The following EGLN1 variants were observed in gnomAD, a reference collection of about 807,000 sequenced individuals.
The protein encoded by EGLN1 is egl nine homolog 1.
EGLN1 carries 17 observed loss-of-function variants against 38.3 expected under a neutral mutation model. That is an observed-to-expected ratio of 0.44 (90% CI 0.30 to 0.67). EGLN1 has a LOEUF of 0.67. Among genes scored for constraint, EGLN1 ranks in the 30% least tolerant of loss-of-function variants. The pLI is 0.08. For synonymous variants in EGLN1, 283 were observed against 257.5 expected (o/e 1.10, Z -0.95); for missense variants, 477 against 603.3 (o/e 0.79, Z 2.19).
intron 1 of EGLN1, among the ~76,000 whole-genome samples, chr1:231,382,981 C>G (rs1688109636): frequency 2.1e-5 from 3 of 144,930 alleles, no homozygotes; most frequent in African/African-American, 7.8e-5. Context: ...TCGCTTGAAC[C>G]TGGGAGGTGG....
At chr1:231,412,697 C>CTACCCA (rs1241367098) in intron 1 of EGLN1, among the ~76,000 whole-genome samples, 1 of 152,148 alleles carries the variant, frequency 6.6e-6, no homozygotes, top group East Asian at 1.9e-4. Flanking sequence ...GTAGTAGTAG[C>CTACCCA]TAGCACAGCC....
chr1:231,419,343 A>G (rs1289111979), intron 1 of EGLN1, among the ~76,000 whole-genome samples: 1 of 152,206 alleles, frequency 6.6e-6, no homozygotes. Context: ...AGGAAGACAA[A>G]AGAGAAAAGA....
At chr1:231,415,146 G>T (rs1257974224) in intron 1 of EGLN1, among the ~76,000 whole-genome samples, 1 of 152,000 alleles carries the variant, frequency 6.6e-6, no homozygotes, top group Non-Finnish European at 1.5e-5. Context: ...GGTGACACAT[G>T]CCTGTAGTCC....
chr1:231,385,476 G>A (rs979038184), intron 1 of EGLN1, among the ~76,000 whole-genome samples: 1 of 152,142 alleles, frequency 6.6e-6, no homozygotes, highest in Non-Finnish European at 1.5e-5. Flanking sequence ...AAGGAGAGGG[G>A]GCATATTCCA....
intron 1 of EGLN1, among the ~76,000 whole-genome samples, chr1:231,385,530 A>T (rs918115822): frequency 6.6e-6 from 1 of 152,222 alleles, no homozygotes; most frequent in Non-Finnish European, 1.5e-5. Flanking sequence ...CATGCTGTGT[A>T]AACTGCAAAC....
intron 1 of EGLN1, among the ~76,000 whole-genome samples, chr1:231,389,175 C>A (rs1221862373): frequency 6.6e-6 from 1 of 152,152 alleles, no homozygotes; most frequent in Non-Finnish European, 1.5e-5. Context: ...TGGCAAAAAT[C>A]AACCATACTA....
At chr1:231,403,857 G>C (rs1688723029) in intron 1 of EGLN1, among the ~76,000 whole-genome samples, 1 of 148,006 alleles carries the variant, frequency 6.8e-6, no homozygotes, top group Admixed American at 6.7e-5. Context: ...AAGTATTTAA[G>C]CTATATTGTT....
chr1:231,387,438 C>A (rs1037987915), intron 1 of EGLN1, among the ~76,000 whole-genome samples: 1 of 150,354 alleles, frequency 6.7e-6, no homozygotes, highest in African/African-American at 2.5e-5. Flanking sequence ...CGGCTCACTG[C>A]AAGCTCCACC....
intron 3 of EGLN1, among the ~76,000 whole-genome samples, chr1:231,370,270 G>A (rs1687782296): frequency 1.3e-5 from 2 of 152,184 alleles, no homozygotes; most frequent in African/African-American, 4.8e-5. Context: ...GTAGTTAAGA[G>A]ATGCACAAAG....
intron 1 of EGLN1, among the ~76,000 whole-genome samples, chr1:231,378,678 C>T (rs1175157718): frequency 6.6e-6 from 1 of 152,174 alleles, no homozygotes; most frequent in Non-Finnish European, 1.5e-5. Flanking sequence ...GTCCGCAATG[C>T]CTCTGAGGAA....
chr1:231,389,712 G>A (rs1411152181), intron 1 of EGLN1, among the ~76,000 whole-genome samples: 1 of 152,160 alleles, frequency 6.6e-6, no homozygotes, highest in South Asian at 2.1e-4. Flanking sequence ...ACTTTGGGGG[G>A]CCGAGGCAGG....
At chr1:231,370,799 A>G (rs1687802000) in intron 2 of EGLN1, 101 bp from the exon 3 acceptor site, 2 of 1,336,820 alleles carry the variant, frequency 1.5e-6, no homozygotes, top group Non-Finnish European at 2.1e-6. Context: ...TAATTGGATT[A>G]TTCACAAATA....
chr1:231,366,403 C>A lies in EGLN1; in HGVS notation c.*8G>T, dbSNP rs1687646633. 4 of 1,613,532 alleles carry A rather than the reference C, an allele frequency of 2.5e-6. No individual in the cohort carries two copies. In the Admixed American group the frequency reaches 6.7e-5, roughly 27 times the overall value. On this transcript the variant is annotated 3_prime_UTR_variant, in exon 5 of 5. Coordinates refer to ENST00000366641, the MANE Select transcript of EGLN1 (RefSeq NM_022051.3). ...TAGGTGAAGTGGGGTATTGCTGGAT[C>A]AAAGGCTCTAGAAGACGTCTTTACC...
At chr1:231,384,249 C>A (rs754770846) in intron 1 of EGLN1, among the ~76,000 whole-genome samples, 1 of 152,098 alleles carries the variant, frequency 6.6e-6, no homozygotes, top group African/African-American at 2.4e-5. Flanking sequence ...TACTATACGT[C>A]AGGCACTGTT....
intron 1 of EGLN1, among the ~76,000 whole-genome samples, chr1:231,404,443 A>C (rs1311505968): frequency 6.6e-6 from 1 of 152,140 alleles, no homozygotes; most frequent in Admixed American, 6.5e-5. Context: ...CAATATCAAC[A>C]AACTGTAAAA....
At chr1:231,414,874 T>C (rs1289818576) in intron 1 of EGLN1, among the ~76,000 whole-genome samples, 1 of 151,812 alleles carries the variant, frequency 6.6e-6, no homozygotes, top group Non-Finnish European at 1.5e-5. Context: ...AAGCTGGGAC[T>C]ACAGACATGT....
intron 1 of EGLN1, among the ~76,000 whole-genome samples, chr1:231,419,943 T>C (rs1465061938): frequency 6.6e-6 from 1 of 151,976 alleles, no homozygotes; most frequent in Admixed American, 6.6e-5. Flanking sequence ...GGTCAATCTC[T>C]CAAAACCCAC....
At chr1:231,382,470 A>G (rs1359461838) in intron 1 of EGLN1, among the ~76,000 whole-genome samples, 1 of 152,232 alleles carries the variant, frequency 6.6e-6, no homozygotes, top group Non-Finnish European at 1.5e-5. Context: ...TCAAAGCCAG[A>G]GAATTTAGTA....
chr1:231,375,586 G>T (rs749335543), intron 1 of EGLN1, among the ~76,000 whole-genome samples: 2 of 152,108 alleles, frequency 1.3e-5, no homozygotes, highest in African/African-American at 2.4e-5. Context: ...CTCTTTATAA[G>T]CAGCAGAATT....
Sources: allele counts gnomAD v4.1 joint callset (sites outside exome capture counted in the v4.1 genomes callset), GRCh38; gene constraint gnomAD v4.1.1; transcripts MANE v1.5; gene names NCBI Gene and HGNC (gene_info 2026-07-23, HGNC 2026-07-21).